MAPRE2: variants seen among roughly 807,000 people sequenced by gnomAD.
MAPRE2 encodes microtubule associated protein RP/EB family member 2, also known as microtubule-associated protein RP/EB family member 2.
Under a neutral mutation model 43.2 loss-of-function variants are expected in MAPRE2, and 13 were observed. That is an observed-to-expected ratio of 0.30 (90% CI 0.20 to 0.48). The LOEUF (loss-of-function observed/expected upper bound fraction) is 0.48, where lower values mean the gene tolerates loss of function less well. MAPRE2 is among the 20% of genes least tolerant of loss of function. The probability of loss-of-function intolerance (pLI) is 0.99; values close to 1 mark genes in which losing one functional copy is unlikely to be tolerated. For synonymous variants in MAPRE2, 135 were observed against 148.8 expected (o/e 0.91, Z 0.68); for missense variants, 161 against 400.2 (o/e 0.40, Z 5.10).
At chr18:35,074,071 T>A (rs535344299) in intron 2 of MAPRE2, among the ~76,000 whole-genome samples, 1 of 152,340 alleles carries the variant, frequency 6.6e-6, no homozygotes, top group African/African-American at 2.4e-5. Flanking sequence ...AAAGGTGAGC[T>A]ATATAAATGG....
At chr18:35,015,944 C>A (rs1005242760) in intron 2 of MAPRE2, among the ~76,000 whole-genome samples, 14 of 151,814 alleles carry the variant, frequency 9.2e-5, no homozygotes, top group Non-Finnish European at 1.5e-4. Flanking sequence ...ATTTTTCAAC[C>A]CTTGCCCCCT....
chr18:35,058,384 A>G (rs1055900848), intron 1 of MAPRE2, among the ~76,000 whole-genome samples: 2 of 152,232 alleles, frequency 1.3e-5, no homozygotes, highest in African/African-American at 4.8e-5. Context: ...AATCTCTAAG[A>G]GTAGAATACT....
At chr18:35,013,590 A>G (rs2097036197) in intron 2 of MAPRE2, among the ~76,000 whole-genome samples, 1 of 152,158 alleles carries the variant, frequency 6.6e-6, no homozygotes, top group African/African-American at 2.4e-5. Context: ...TCAACCTACA[A>G]TGGTATAGAA....
chr18:35,008,545 CT>C (rs1163700655), intron 2 of MAPRE2, among the ~76,000 whole-genome samples: 1 of 152,192 alleles, frequency 6.6e-6, no homozygotes, highest in Non-Finnish European at 1.5e-5. Flanking sequence ...GCATCTTTTA[CT>C]TTCATGGGTC....
chr18:35,012,827 A>G (rs1429080015), intron 2 of MAPRE2, among the ~76,000 whole-genome samples: 2 of 152,198 alleles, frequency 1.3e-5, no homozygotes, highest in East Asian at 1.9e-4. Flanking sequence ...GATGGTGGTG[A>G]TGGTTGAACA....
At chr18:35,111,656 TA>T (rs1214564589) in intron 4 of MAPRE2, among the ~76,000 whole-genome samples, 2 of 152,242 alleles carry the variant, frequency 1.3e-5, no homozygotes, top group Non-Finnish European at 2.9e-5. Flanking sequence ...CAAGGGGATC[TA>T]ACCTTAGCCT....
intron 2 of MAPRE2, among the ~76,000 whole-genome samples, chr18:35,096,114 C>G (rs1226879972): frequency 6.6e-6 from 1 of 152,080 alleles, no homozygotes; most frequent in Non-Finnish European, 1.5e-5. Context: ...TAAAGGATGC[C>G]TAACCTTTAT....
chr18:34,982,823 T>C (rs560390062), intron 1 of MAPRE2, among the ~76,000 whole-genome samples: 1 of 152,324 alleles, frequency 6.6e-6, no homozygotes, highest in Non-Finnish European at 1.5e-5. Context: ...CCATTGCTTG[T>C]TTTGTATGAC....
chr18:35,074,356 A>G (rs960268898), intron 2 of MAPRE2, among the ~76,000 whole-genome samples: 4 of 152,090 alleles, frequency 2.6e-5, no homozygotes, highest in South Asian at 2.1e-4. Flanking sequence ...TAAGGTAGCA[A>G]TGAGGGTGAA....
At chr18:35,136,410 A>G (rs1910395230) in intron 6 of MAPRE2, among the ~76,000 whole-genome samples, 1 of 152,222 alleles carries the variant, frequency 6.6e-6, no homozygotes, top group Non-Finnish European at 1.5e-5. Flanking sequence ...TCCCAGTCCC[A>G]GTAAGGGAGA....
At chr18:35,038,255 G>C (rs1267116677), upstream of MAPRE2, among the ~76,000 whole-genome samples, 3 of 152,132 alleles carry the variant, frequency 2.0e-5, no homozygotes, top group Admixed American at 2.0e-4. Flanking sequence ...TCCACTTCCT[G>C]ATTATCCCCT....
At chr18:35,000,924 T>C (rs962674949) in intron 1 of MAPRE2, among the ~76,000 whole-genome samples, 7 of 152,138 alleles carry the variant, frequency 4.6e-5, no homozygotes, top group African/African-American at 1.7e-4. Context: ...ATCCATAAAA[T>C]AGTACCACAA....
intron 4 of MAPRE2, among the ~76,000 whole-genome samples, chr18:35,125,006 A>C (rs1909845185): frequency 6.6e-6 from 1 of 152,248 alleles, no homozygotes. Flanking sequence ...GCTCTTCTGC[A>C]CAGATTTACC....
At chr18:34,978,834 T>A (rs985860008) in intron 1 of MAPRE2, among the ~76,000 whole-genome samples, 1 of 152,230 alleles carries the variant, frequency 6.6e-6, no homozygotes, top group Non-Finnish European at 1.5e-5. Flanking sequence ...CAAATTTTGC[T>A]GCATAGTGGA....
intron 4 of MAPRE2, among the ~76,000 whole-genome samples, chr18:35,102,920 G>A (rs1030389258): frequency 6.6e-6 from 1 of 152,110 alleles, no homozygotes; most frequent in Admixed American, 6.6e-5. Flanking sequence ...GGAACCCAGT[G>A]TTCAAACTTG....
At chr18:34,992,895 T>C (rs949064452) in intron 1 of MAPRE2, among the ~76,000 whole-genome samples, 1 of 152,202 alleles carries the variant, frequency 6.6e-6, no homozygotes, top group Non-Finnish European at 1.5e-5. Context: ...ATGTGGTTTT[T>C]AGTGTTGGGT....
rs1001184832 is a variant in MAPRE2, at chr18:35,021,992, T to C, written c.-8+16439T>C. 3.3e-5 allele frequency among the ~76,000 whole-genome samples: 5 copies of C among 152,276 alleles called. No individual in the cohort carries two copies. The South Asian group carries it at 8.3e-4, about 25-fold the overall frequency. On this transcript the variant is annotated intron_variant, in intron 2 of 7. Coordinates refer to the MAPRE2 transcript ENST00000413393. ...CAGAAGAGTGATCACCTGAATGTTA[T>C]AGACATCAATATGCAATTCTGAAGC...
rs117887477 is a variant in MAPRE2, at chr18:35,043,969, G to A, written c.122+2308G>A. On this transcript the variant is annotated intron_variant, in intron 1 of 6. Coordinates refer to ENST00000300249, the MANE Select transcript of MAPRE2 (RefSeq NM_014268.4). The stretch of plus-strand genomic sequence containing the variant: ...GGCATCCCAAGACTGGAATATTATA[G>A]CCATTTAATTGCTGAGGAAACTTGG... Among the ~76,000 whole-genome samples, 1,393 of 152,282 alleles carry A rather than the reference G, an allele frequency of 9.1e-3. 8 individuals carry two copies. Among genetic ancestry groups the A allele is most frequent in the Non-Finnish European group, 0.015 (1,018 of 68,028 alleles).
rs145638970 is a variant in MAPRE2 at position 34,989,687 on chromosome 18, G to T, written c.-70+12608G>T. 4.4e-4 allele frequency among the ~76,000 whole-genome samples: 67 copies of T among 152,076 alleles called. No individual in the cohort carries two copies. In the East Asian group the frequency reaches 0.012, roughly 27 times the overall value. ...GATCACGCTACTGCACTACAGCTTG[G>T]GAAGCAGAGTGAGACATTCCCTCTC... On this transcript the variant is annotated intron_variant, in intron 1 of 7. Transcript: ENST00000413393.
Sources: gnomAD v4.1 joint callset for allele counts (sites outside exome capture counted in the v4.1 genomes callset) on GRCh38, gnomAD v4.1.1 for gene constraint, MANE v1.5 for transcripts, NCBI Gene and HGNC (gene_info 2026-07-23, HGNC 2026-07-21) for gene names.